Variants in KSR2 observed in about 807,000 individuals in gnomAD.
The protein encoded by KSR2 is kinase suppressor of ras 2.
KSR2 carries 25 observed loss-of-function variants against 107.8 expected under a neutral mutation model. That is an observed-to-expected ratio of 0.23 (90% CI 0.17 to 0.32). KSR2 has a LOEUF of 0.32. KSR2 is among the 10% of genes least tolerant of loss of function. KSR2 has a pLI of 1.00. For missense variants in KSR2, 887 were observed against 1,268.9 expected (o/e 0.70, Z 4.57); for synonymous variants, 480 against 507.0 (o/e 0.95, Z 0.71).
intron 1 of KSR2, among the ~76,000 whole-genome samples, chr12:117,891,415 T>C (rs573240646): frequency 8.3e-6 from 1 of 120,818 alleles, no homozygotes; most frequent in African/African-American, 3.4e-5. Flanking sequence ...AGACTCCATC[T>C]CAAAAAAAAA....
At chr12:117,614,362 G>T (rs1002176848) in intron 5 of KSR2, among the ~76,000 whole-genome samples, 1 of 152,072 alleles carries the variant, frequency 6.6e-6, no homozygotes, top group African/African-American at 2.4e-5. Flanking sequence ...TTTAAATAAG[G>T]AGTGAGTCCT....
chr12:117,780,152 A>G (rs1889835777), intron 3 of KSR2, among the ~76,000 whole-genome samples: 1 of 152,230 alleles, frequency 6.6e-6, no homozygotes, highest in Admixed American at 6.5e-5. Context: ...TGTAAAAATT[A>G]ATGTCATTCC....
chr12:117,751,093 G>T (rs1450253354), intron 4 of KSR2, among the ~76,000 whole-genome samples: 4 of 152,112 alleles, frequency 2.6e-5, no homozygotes. Context: ...TGAATCATGG[G>T]GGTGGTCTCC....
intron 1 of KSR2, among the ~76,000 whole-genome samples, chr12:117,863,325 G>A (rs981413852): frequency 5.3e-5 from 8 of 152,118 alleles, no homozygotes; most frequent in African/African-American, 1.9e-4. Context: ...GAGCTGCCTG[G>A]ACCATCGTCC....
At position 117,455,034 on chromosome 12, in the gene KSR2, C is replaced by CAGAAAG. The variant is rs1356704774; in HGVS notation, c.*12164_*12165insCTTTCT. On this transcript the variant is annotated 3_prime_UTR_variant, in exon 20 of 20. Transcript: ENST00000339824. ...AGAGACAGACACAGAGACAGACAGA[C>CAGAAAG]AGAGAGAGAGAGAGAGAGAGAGAGA... 1 of 91,578 alleles carries CAGAAAG rather than the reference C, an allele frequency of 1.1e-5. No homozygotes were observed. The highest frequency in any genetic ancestry group is 2.6e-4 in the East Asian group (1 of 3,908). The allele number at this position is 91,578 out of a possible 1,614,324, so 5.7% of individuals were successfully genotyped here. A position where few individuals can be genotyped will look rare whatever the true frequency, so the allele number is the denominator to read the frequency against.
intron 1 of KSR2, among the ~76,000 whole-genome samples, chr12:117,879,917 C>T (rs1233555122): frequency 6.6e-6 from 1 of 152,154 alleles, no homozygotes; most frequent in Admixed American, 6.5e-5. Context: ...GAGGCCGAGG[C>T]AGGCAGATCA....
chr12:117,784,184 C>T (rs994998406), intron 3 of KSR2, among the ~76,000 whole-genome samples: 2 of 152,166 alleles, frequency 1.3e-5, no homozygotes, highest in Non-Finnish European at 2.9e-5. Flanking sequence ...ACCCAAATCT[C>T]ACCTTGAATT....
In KSR2 at chr12:117,842,486, G is replaced by A. The variant is rs1047242468; in HGVS notation, c.472+12942C>T. On this transcript the variant is annotated intron_variant, in intron 3 of 19. Transcript: ENST00000339824. This position sits in a 1 kb window ranked among gnomAD's most constrained non-coding sequence, Gnocchi z 4.2. ...AGATCGGGAGCCCAGGGACAGGACT[G>A]GGGGTCTCATTCTAAGATGTAATAG... 1.3e-5 allele frequency among the ~76,000 whole-genome samples: 2 copies of A among 152,148 alleles called. No homozygotes were observed. Among genetic ancestry groups the A allele is most frequent in the Non-Finnish European group, 2.9e-5 (2 of 68,018 alleles).
intron 1 of KSR2, among the ~76,000 whole-genome samples, chr12:117,896,674 G>A (rs1055470751): frequency 1.3e-5 from 2 of 152,064 alleles, no homozygotes; most frequent in African/African-American, 4.8e-5. Context: ...TGGCCAGGCT[G>A]CGCTCGAACT....
At chr12:117,741,164 T>C (rs1437940879) in intron 4 of KSR2, among the ~76,000 whole-genome samples, 1 of 152,070 alleles carries the variant, frequency 6.6e-6, no homozygotes, top group East Asian at 1.9e-4. Context: ...TCAAAATAAA[T>C]AGCGATAGTA....
chr12:117,941,613 CTTTTTTTTTTTTT>C (rs139487553), intron 1 of KSR2, among the ~76,000 whole-genome samples: 6 of 52,926 alleles, frequency 1.1e-4, no homozygotes, highest in Admixed American at 3.4e-4. Context: ...ACAGGCTTTC[CTTTTTTTTTTTTT>C]TTTTTTTTTT....
intron 5 of KSR2, among the ~76,000 whole-genome samples, chr12:117,622,226 A>G (rs1882239601): frequency 6.6e-6 from 1 of 152,064 alleles, no homozygotes; most frequent in African/African-American, 2.4e-5. Flanking sequence ...AAAACTGCCT[A>G]ATCCTCTTGG....
At chr12:117,853,479 A>C (rs1323839023) in intron 3 of KSR2, among the ~76,000 whole-genome samples, 1 of 152,078 alleles carries the variant, frequency 6.6e-6, no homozygotes, top group Non-Finnish European at 1.5e-5. Flanking sequence ...AGTAGCTAGG[A>C]CTACAGGCGC....
At chr12:117,696,109 G>A (rs1886048347) in intron 4 of KSR2, among the ~76,000 whole-genome samples, 2 of 152,134 alleles carry the variant, frequency 1.3e-5, no homozygotes, top group Non-Finnish European at 2.9e-5. Flanking sequence ...GACTCCCCAA[G>A]TACCAAAAGT....
chr12:117,499,241 T>C (rs781782550), intron 14 of KSR2, among the ~76,000 whole-genome samples: 3 of 152,228 alleles, frequency 2.0e-5, no homozygotes, highest in East Asian at 1.9e-4. Context: ...ACCTAATTCA[T>C]ATGCATTAAA....
At chr12:117,610,236 CTT>C (rs1881518641) in intron 5 of KSR2, among the ~76,000 whole-genome samples, 2 of 152,090 alleles carry the variant, frequency 1.3e-5, no homozygotes, top group African/African-American at 4.8e-5. Context: ...AATAAGCACA[CTT>C]TATGACACAG....
rs146098327 is a variant in KSR2 at position 117,764,640 on chromosome 12, CA to C, written c.473-3117del. The stretch of plus-strand genomic sequence containing the variant: ...TGCCAGAAGAACACTCTACCAAAGT[CA>C]CCATCATTACAGTATCTACTCTCAA... On this transcript the variant is annotated intron_variant, in intron 3 of 19. Coordinates refer to ENST00000339824, the MANE Select transcript of KSR2 (RefSeq NM_173598.6). 3.9e-5 allele frequency among the ~76,000 whole-genome samples: 6 copies of C among 152,292 alleles called. No homozygotes were observed. The East Asian group carries it at 1.2e-3, about 29-fold the overall frequency.
intron 5 of KSR2, among the ~76,000 whole-genome samples, chr12:117,645,525 C>T (rs1259832128): frequency 1.3e-5 from 2 of 152,108 alleles, no homozygotes; most frequent in African/African-American, 2.4e-5. Context: ...CACTATAGAC[C>T]CCTGAATCCC....
At chr12:117,556,703 G>A (rs1351357548) in intron 8 of KSR2, among the ~76,000 whole-genome samples, 1 of 152,056 alleles carries the variant, frequency 6.6e-6, no homozygotes, top group African/African-American at 2.4e-5. Flanking sequence ...AGACGGGGGT[G>A]GGCAAGTGAG....
Sources: allele counts gnomAD v4.1 joint callset (sites outside exome capture counted in the v4.1 genomes callset), GRCh38; gene constraint gnomAD v4.1.1; non-coding constraint Gnocchi (gnomAD v3.1); transcripts MANE v1.5; gene names NCBI Gene and HGNC (gene_info 2026-07-23, HGNC 2026-07-21).